Variants in ZNF148 observed in about 807,000 individuals in gnomAD.
ZNF148 encodes zinc finger protein 148.
A neutral mutation model predicts 67.7 loss-of-function variants in ZNF148; 7 were observed. The ratio of observed to expected loss-of-function variants is 0.10; its 90% confidence interval spans 0.06 to 0.19. The LOEUF is 0.19. Ranked by LOEUF, ZNF148 falls within the 10% of genes least tolerant of loss-of-function variation. The pLI is 1.00. For synonymous variants in ZNF148, 333 were observed against 330.7 expected, an observed-to-expected ratio of 1.01 and a Z score of -0.08; for missense variants, 583 against 947.1, an observed-to-expected ratio of 0.62 and a Z score of 5.05.
intron 1 of ZNF148, among the ~76,000 whole-genome samples, chr3:125,335,769 C>T (rs551895585): frequency 1.3e-5 from 2 of 152,336 alleles, no homozygotes; most frequent in South Asian, 4.1e-4. Context: ...AAATATTTCA[C>T]ATTTCATGTA....
chr3:125,252,757 ACT>A (rs1264396793), intron 7 of ZNF148, among the ~76,000 whole-genome samples: 1 of 119,500 alleles, frequency 8.4e-6, no homozygotes, highest in Non-Finnish European at 1.7e-5. Context: ...ACAGAGCAAG[ACT>A]CTGTCTCAAA....
chr3:125,226,014 A>C lies in ZNF148; in HGVS notation c.*6327T>G, dbSNP rs1242138441. 1 of 152,508 alleles carries C rather than the reference A, an allele frequency of 6.6e-6. No homozygotes were observed. The highest frequency in any genetic ancestry group is 1.5e-5 in the Non-Finnish European group (1 of 68,034). 9.4% of individuals were successfully genotyped at this position (152,508 alleles called of 1,614,324 possible). ...GGCAAGGTGGTAGATGGATGAAAAC[A>C]AATCTCCACTAATGAAAGAAAAAAG... On this transcript the variant is annotated 3_prime_UTR_variant, in exon 9 of 9. Transcript: ENST00000360647.
intron 1 of ZNF148, among the ~76,000 whole-genome samples, chr3:125,358,358 T>C (rs934572787): frequency 6.6e-6 from 1 of 152,268 alleles, no homozygotes; most frequent in Middle Eastern, 3.4e-3. Flanking sequence ...ACTTCCATGA[T>C]ATCTCCCACT....
intron 7 of ZNF148, among the ~76,000 whole-genome samples, chr3:125,250,178 A>T (rs4679161): frequency 1.4e-4 from 22 of 152,094 alleles, no homozygotes; most frequent in Admixed American, 1.4e-3. Context: ...CACAAAAGAT[A>T]GTTATGTGAA....
intron 4 of ZNF148, among the ~76,000 whole-genome samples, chr3:125,288,870 A>G (rs746067377): frequency 2.0e-5 from 3 of 152,218 alleles, no homozygotes; most frequent in Non-Finnish European, 4.4e-5. Flanking sequence ...GCTACACTGT[A>G]CAAGACATGA....
At chr3:125,366,856 TTATCAATCCCTTCAAAGAC>T (rs1942719364) in intron 1 of ZNF148, among the ~76,000 whole-genome samples, 5 of 152,316 alleles carry the variant, frequency 3.3e-5, no homozygotes, top group Admixed American at 3.3e-4. Context: ...AAAAAAAATC[TTATCAATCCCTTCAAAGAC>T]TAGCTAAAAT....
At chr3:125,316,402 G>A (rs1030961744) in intron 3 of ZNF148, among the ~76,000 whole-genome samples, 9 of 152,040 alleles carry the variant, frequency 5.9e-5, no homozygotes, top group Admixed American at 5.9e-4. Flanking sequence ...TCAATTTTTA[G>A]TTTTTTGAGG....
At chr3:125,255,914 T>A (rs1419186548) in intron 7 of ZNF148, among the ~76,000 whole-genome samples, 1 of 152,130 alleles carries the variant, frequency 6.6e-6, no homozygotes, top group Non-Finnish European at 1.5e-5. Context: ...TCAAATGATG[T>A]GCCTCCTTGG....
intron 3 of ZNF148, among the ~76,000 whole-genome samples, chr3:125,316,309 G>A (rs1940489841): frequency 6.6e-6 from 1 of 152,184 alleles, no homozygotes; most frequent in Non-Finnish European, 1.5e-5. Flanking sequence ...AACAAATACA[G>A]GAGTGCAACT....
rs914181054 is a variant in ZNF148, at chr3:125,228,088, T to C, written c.*4253A>G. ...GAATTATTGAAATGTAGTTATGAAA[T>C]ATGAAGAGAACTATCTATTTCACAA... On this transcript the variant is annotated 3_prime_UTR_variant, in exon 9 of 9. Transcript: ENST00000360647. The C allele has an allele frequency of 2.6e-5, 4 of 152,614 alleles. No homozygotes were observed. The highest frequency in any genetic ancestry group is 4.8e-5 in the African/African-American group (2 of 41,446). 9.5% of individuals were successfully genotyped at this position (152,614 alleles called of 1,614,324 possible).
intron 1 of ZNF148, among the ~76,000 whole-genome samples, chr3:125,355,421 G>A (rs1413485048): frequency 6.6e-6 from 1 of 152,094 alleles, no homozygotes; most frequent in Admixed American, 6.6e-5. Context: ...CCCCCTCAGC[G>A]TGCTGACCAA....
chr3:125,232,745 A>T lies in ZNF148; in HGVS notation c.1981T>A (p.Ser661Thr), dbSNP rs751543239. 3.1e-6 allele frequency: 5 copies of T among 1,613,868 alleles called. No individual in the cohort carries two copies. The highest frequency in any genetic ancestry group is 1.7e-6 in the Non-Finnish European group (2 of 1,179,822). The stretch of plus-strand genomic sequence containing the variant: ...GTTCTTAGTGGAGAATTCATTCCTG[A>T]TCGAAAGCTATTGATGGGCATGGTG... ...YATMPINSFR[S>T]GMNSPLRTTP... The change falls in exon 9 of 9, where the codon TCA (serine) becomes ACA (threonine). Residue 661 changes from serine to threonine, a missense_variant. Physicochemically the swap from Ser to Thr is moderately conservative, Grantham distance 58 (BLOSUM62 1). Around this residue, in one of 5 missense-constraint regions of ZNF148, gnomAD observed 158 missense variants for 208.4 expected, o/e 0.76. Coordinates refer to ENST00000360647, the MANE Select transcript of ZNF148 (RefSeq NM_021964.3). This position sits in a 1 kb window ranked among gnomAD's most constrained non-coding sequence, Gnocchi z 4.2.
At chr3:125,237,273 G>A (rs1023271763) in intron 7 of ZNF148, among the ~76,000 whole-genome samples, 2 of 152,258 alleles carry the variant, frequency 1.3e-5, no homozygotes, top group African/African-American at 2.4e-5. Flanking sequence ...GAAAGAATAC[G>A]TGCAAATTTT....
intron 4 of ZNF148, among the ~76,000 whole-genome samples, chr3:125,300,002 C>CA: frequency 6.6e-6 from 1 of 152,282 alleles, no homozygotes; most frequent in South Asian, 2.1e-4. Context: ...GGCAGGGTCC[C>CA]ACTCTGTCAC....
At chr3:125,322,423 G>C (rs1227430693) in intron 3 of ZNF148, among the ~76,000 whole-genome samples, 1 of 151,804 alleles carries the variant, frequency 6.6e-6, no homozygotes, top group Non-Finnish European at 1.5e-5. Context: ...TAAAAATTAA[G>C]TGCAACATAT....
At chr3:125,271,850 T>C (rs1937756793) in intron 7 of ZNF148, among the ~76,000 whole-genome samples, 1 of 152,186 alleles carries the variant, frequency 6.6e-6, no homozygotes, top group African/African-American at 2.4e-5. Context: ...CCAGGATATA[T>C]GACACACTGC....
At chr3:125,331,501 A>T (rs1941290511) in intron 1 of ZNF148, among the ~76,000 whole-genome samples, 3 of 152,252 alleles carry the variant, frequency 2.0e-5, no homozygotes, top group African/African-American at 2.4e-5. Flanking sequence ...TGAAGGATTA[A>T]GATTTCTTTG....
At chr3:125,253,198 G>A (rs532384164) in intron 7 of ZNF148, among the ~76,000 whole-genome samples, 1 of 152,210 alleles carries the variant, frequency 6.6e-6, no homozygotes, top group South Asian at 2.1e-4. Context: ...TAATTTAGAA[G>A]TCTTGCACAT....
At chr3:125,271,695 T>C (rs1022343406) in intron 7 of ZNF148, among the ~76,000 whole-genome samples, 1 of 152,206 alleles carries the variant, frequency 6.6e-6, no homozygotes, top group African/African-American at 2.4e-5. Flanking sequence ...ATAATTTATG[T>C]ATTGGGTTAC....
Sources: allele counts gnomAD v4.1 joint callset (sites outside exome capture counted in the v4.1 genomes callset), GRCh38; gene constraint gnomAD v4.1.1; regional missense constraint gnomAD v4.1.1; non-coding constraint Gnocchi (gnomAD v3.1); transcripts MANE v1.5; gene names NCBI Gene and HGNC (gene_info 2026-07-23, HGNC 2026-07-21).